Variants in KMT2B observed in about 807,000 individuals in gnomAD.
The protein encoded by KMT2B is histone-lysine N-methyltransferase 2B.
Under a neutral mutation model 255.3 loss-of-function variants are expected in KMT2B, and 22 were observed. That is an observed-to-expected ratio of 0.09 (90% CI 0.06 to 0.12). The LOEUF is 0.12. KMT2B is among the 10% of genes least tolerant of loss of function. The pLI is 1.00. For synonymous variants in KMT2B, 1,730 were observed against 1,498.1 expected, an observed-to-expected ratio of 1.15 and a Z score of -3.57; for missense variants, 3,149 against 3,737.0, an observed-to-expected ratio of 0.84 and a Z score of 4.10.
chr19:35,720,449 A>C lies in KMT2B; in HGVS notation c.1102A>C (p.Lys368Gln), dbSNP rs561753040. The C allele has an allele frequency of 1.3e-6, 2 of 1,551,810 alleles. No individual in the cohort carries two copies. Among genetic ancestry groups the C allele is most frequent in the Admixed American group, 3.9e-5 (2 of 51,000 alleles). Residue 368 changes from lysine (K) to glutamine (Q), a missense_variant, in exon 3 of 37, where the codon AAG becomes CAG. This residue lies in a region of KMT2B where 1,188 missense variants were observed against 1,106.4 expected (regional missense o/e 1.07). Transcript: ENST00000420124. The part of the protein sequence containing the change: ...EQKLDDEEEE[K>Q]KEEEEKDKEG... Reference sequence around the variant, plus strand: ...GAAGCTGGATGACGAGGAAGAAGAGAAGAAAGAAGAAGAAGAAAAAGACAA... The same window carrying C: ...GAAGCTGGATGACGAGGAAGAAGAGCAGAAAGAAGAAGAAGAAAAAGACAA...
intron 26 of KMT2B, 41 bp downstream of exon 26, chr19:35,730,908 C>A: frequency 6.6e-7 from 1 of 1,525,002 alleles, no homozygotes; most frequent in Non-Finnish European, 8.8e-7. Context: ...TACCGCTCTC[C>A]CTAAACAAAC....
rs1401739282 is a variant in KMT2B, at chr19:35,732,722, T to C, written c.6173T>C (p.Ile2058Thr). ...APSATPGAPR[I>T]EQLDGVDDGT... is the part of the protein sequence containing the mutation. ...AGCGCTACCCCTGGAGCCCCCCGCA[T>C]TGAACAGCTGGACGGCGTGGACGAC... is the stretch of plus-strand genomic sequence containing the variant. The change falls in exon 28 of 37, where the codon ATT becomes ACT. Residue 2058 changes from isoleucine to threonine, a missense_variant. Physicochemically the swap from Ile to Thr is moderately conservative, Grantham distance 89. Around this residue, in one of 18 missense-constraint regions of KMT2B, gnomAD observed 897 missense variants for 825.3 expected, o/e 1.09. Coordinates refer to ENST00000420124, the MANE Select transcript of KMT2B (RefSeq NM_014727.3). The C allele has an allele frequency of 1.2e-6, 2 of 1,610,300 alleles. No homozygotes were observed. Among genetic ancestry groups the C allele is most frequent in the Non-Finnish European group, 1.7e-6 (2 of 1,178,730 alleles).
rs1452431678 is a variant in KMT2B at position 35,738,445 on chromosome 19, G to A, written c.8036G>A (p.Arg2679His). ...CACATTGTTATCTTCGCCCTGCGCC[G>A]CATCCTGCGTGGTGAGGAGCTCACC... ...QKHIVIFALR[R>H]ILRGEELTYD... Residue 2679 changes from arginine to histidine, a missense_variant, in exon 37 of 37, where the codon CGC becomes CAC. Coordinates refer to ENST00000420124, the MANE Select transcript of KMT2B (RefSeq NM_014727.3). The surrounding 1 kb of genome is among the most constrained non-coding windows in gnomAD (Gnocchi z 8.7). 1.2e-6 allele frequency: 2 copies of A among 1,613,838 alleles called. No individual in the cohort carries two copies. The highest frequency in any genetic ancestry group is 2.2e-5 in the East Asian group (1 of 44,898).
chr19:35,736,540 A>C, intron 30 of KMT2B, 150 bp from the exon 31 acceptor site: 1 of 868,894 alleles, frequency 1.2e-6, no homozygotes, highest in Non-Finnish European at 1.8e-6. Context: ...CTCACTGGGT[A>C]ACTGGAGCAG....
At chr19:35,724,608 G>A (rs1172465197) in intron 8 of KMT2B, 29 bp from the exon 9 acceptor site, 2 of 1,551,948 alleles carry the variant, frequency 1.3e-6, no homozygotes, top group East Asian at 4.8e-5. Context: ...GAAGGGGAGT[G>A]ACCTCACTGC....
In KMT2B at chr19:35,720,885, T is replaced by C; in HGVS notation, c.1538T>C (p.Val513Ala). The stretch of plus-strand genomic sequence containing the variant: ...GGCCCTCCGGAAGACAGTCCCACCG[T>C]GGCCCCCAAAAGCACCACCTTCCTG... ...TGGPPEDSPT[V>A]APKSTTFLKN... The change falls in exon 3 of 37, where the codon GTG becomes GCG. Residue 513 changes from valine to alanine, a missense_variant. Around this residue, in one of 18 missense-constraint regions of KMT2B, gnomAD observed 1,188 missense variants for 1,106.4 expected, o/e 1.07. Transcript: ENST00000420124. 1 of 1,600,036 alleles carries C rather than the reference T, an allele frequency of 6.2e-7. No homozygotes were observed. The highest frequency in any genetic ancestry group is 8.5e-7 in the Non-Finnish European group (1 of 1,174,134).
chr19:35,728,624 A>G lies in KMT2B; in HGVS notation c.4572-150A>G, dbSNP rs8106959. On this transcript the variant is annotated intron_variant, in intron 19 of 36. Transcript: ENST00000420124. ...GCATTTCGTATGTCCAAGCTGGCAC[A>G]AGAGGGCCTGGCTTATTTGGTGGAC... 115,429 of 659,674 alleles carry G rather than the reference A, an allele frequency of 0.17. 11,136 individuals carry two copies. Among genetic ancestry groups the G allele is most frequent in the Middle Eastern group, 0.27 (810 of 3,028 alleles). The allele number at this position is 659,674 out of a possible 1,614,324, so 40.9% of individuals were successfully genotyped here.
rs949745356 is a variant in KMT2B, at chr19:35,732,289, C to T, written c.5740C>T (p.Arg1914Cys). 1.5e-5 allele frequency: 24 copies of T among 1,610,770 alleles called. No homozygotes were observed. Among genetic ancestry groups the T allele is most frequent in the African/African-American group, 4.0e-5 (3 of 74,766 alleles). ...PDFPAPPRRS[R>C]RPSPLAPRPP... is the part of the protein sequence containing the mutation. ...CTTCCCAGCTCCCCCCAGACGTTCCCGTCGTCCCAGCCCTTTGGCTCCCAG... is the reference window on the plus strand; with the variant it reads ...CTTCCCAGCTCCCCCCAGACGTTCCTGTCGTCCCAGCCCTTTGGCTCCCAG... The change falls in exon 28 of 37, where the codon CGT becomes TGT. Residue 1914 changes from arginine (R) to cysteine (C), a missense_variant. Transcript: ENST00000420124.
At position 35,723,510 on chromosome 19, in the gene KMT2B, G is replaced by A; in HGVS notation, c.3058+8G>A. 2 of 1,561,046 alleles carry A rather than the reference G, an allele frequency of 1.3e-6. No individual in the cohort carries two copies. The highest frequency in any genetic ancestry group is 8.7e-7 in the Non-Finnish European group (1 of 1,153,314). Reference sequence around the variant, plus strand: ...AACGACTGGCTAAAAAAGGTGACGAGCTTTAAGGAGCATTTCTTCTCAAAA... The same window carrying A: ...AACGACTGGCTAAAAAAGGTGACGAACTTTAAGGAGCATTTCTTCTCAAAA... On this transcript the variant is annotated splice_region_variant and intron_variant, in intron 7 of 36. Coordinates refer to ENST00000420124, the MANE Select transcript of KMT2B (RefSeq NM_014727.3). The surrounding 1 kb of genome is among the most constrained non-coding windows in gnomAD (Gnocchi z 7.5).
At position 35,737,438 on chromosome 19, in the gene KMT2B, T is replaced by TG. The variant is rs1418594055; in HGVS notation, c.7550+175_7550+176insG. ...GGCTCATGCCTGTAATCCCGCCACT[T>TG]TGGGAGGCCGAGGCAGGAGGATCGC... is the stretch of plus-strand genomic sequence containing the variant. On this transcript the variant is annotated intron_variant, in intron 33 of 36. Transcript: ENST00000420124. The surrounding 1 kb of genome is among the most constrained non-coding windows in gnomAD (Gnocchi z 5.3). 13 of 839,528 alleles carry TG rather than the reference T, an allele frequency of 1.5e-5. No individual in the cohort carries two copies. Among genetic ancestry groups the TG allele is most frequent in the Admixed American group, 3.0e-5 (1 of 33,188 alleles). The allele number at this position is 839,528 out of a possible 1,614,324, so 52.0% of individuals were successfully genotyped here.
rs548255667 is a variant in KMT2B, at chr19:35,732,577, G to A, written c.6028G>A (p.Ala2010Thr). ...TEPFQEEIVA[A>T]GAMGSSHGGP... ...GCCCTTCCAGGAAGAGATTGTAGCC[G>A]CTGGGGCCATGGGGAGCAGCCACGG... is the stretch of plus-strand genomic sequence containing the variant. Residue 2010 changes from alanine to threonine, a missense_variant, in exon 28 of 37, where the codon GCT (alanine) becomes ACT (threonine). Transcript: ENST00000420124. 3.3e-5 allele frequency: 53 copies of A among 1,613,518 alleles called. No homozygotes were observed. In the East Asian group the frequency reaches 8.7e-4, roughly 26 times the overall value.
chr19:35,720,203 A>AGCCGTGGAG lies in KMT2B; in HGVS notation c.868_876dup (p.Gly292_Gly294dup). Reference sequence around the variant, plus strand: ...GACCCCCAGGCGTGGAGGACAGTCAAGCCGTGGAGGCCGTGGAGGCAGGGG... The same window carrying AGCCGTGGAG: ...GACCCCCAGGCGTGGAGGACAGTCAAGCCGTGGAGGCCGTGGAGGCCGTGGAGGCAGGGG... On this transcript the variant is annotated inframe_insertion, in exon 3 of 37. Transcript: ENST00000420124. 6.8e-6 allele frequency: 11 copies of AGCCGTGGAG among 1,609,290 alleles called. No individual in the cohort carries two copies. The highest frequency in any genetic ancestry group is 1.1e-5 in the South Asian group (1 of 90,324).
In KMT2B at chr19:35,733,100, C is replaced by G. The variant is rs752992427; in HGVS notation, c.6551C>G (p.Pro2184Arg). 3.2e-6 allele frequency: 5 copies of G among 1,566,886 alleles called. No individual in the cohort carries two copies. The highest frequency in any genetic ancestry group is 4.3e-6 in the Non-Finnish European group (5 of 1,155,722). The part of the protein sequence containing the change: ...VLSLGPAPEP[P>R]KPATSKIILV... ...AGCCTTGGCCCTGCCCCTGAGCCCCCCAAACCCGCCACATCCAAAATCATA... is the reference window on the plus strand; with the variant it reads ...AGCCTTGGCCCTGCCCCTGAGCCCCGCAAACCCGCCACATCCAAAATCATA... Residue 2184 changes from proline to arginine, a missense_variant, in exon 28 of 37, where the codon CCC becomes CGC. This residue lies in a region of KMT2B where 897 missense variants were observed against 825.3 expected (regional missense o/e 1.09). Coordinates refer to ENST00000420124, the MANE Select transcript of KMT2B (RefSeq NM_014727.3). The surrounding 1 kb of genome is among the most constrained non-coding windows in gnomAD (Gnocchi z 4.3).
rs1169993840 is a variant in KMT2B, at chr19:35,727,312, G to A, written c.4117+43G>A. ...CTGGGCTGCAGCCTCAACCCTGTGG[G>A]GACCCCTGCCCCCACCACAGGCCCC... On this transcript the variant is annotated intron_variant, in intron 15 of 36. Coordinates refer to ENST00000420124, the MANE Select transcript of KMT2B (RefSeq NM_014727.3). The surrounding 1 kb of genome is among the most constrained non-coding windows in gnomAD (Gnocchi z 4.2). 1 of 1,584,386 alleles carries A rather than the reference G, an allele frequency of 6.3e-7. No homozygotes were observed. Among genetic ancestry groups the A allele is most frequent in the Non-Finnish European group, 8.7e-7 (1 of 1,153,988 alleles).
chr19:35,733,311 C>T lies in KMT2B; in HGVS notation c.6762C>T (p.Pro2254=). 1 of 1,442,444 alleles carries T rather than the reference C, an allele frequency of 6.9e-7. No homozygotes were observed. Among genetic ancestry groups the T allele is most frequent in the Non-Finnish European group, 9.5e-7 (1 of 1,053,394 alleles). 89.4% of individuals were successfully genotyped at this position (1,442,444 alleles called of 1,614,324 possible). A position where few individuals can be genotyped will look rare whatever the true frequency, so the allele number is the denominator to read the frequency against. Residue 2254 remains proline (P), a synonymous_variant, in exon 28 of 37, where the codon CCC becomes CCT. Coordinates refer to ENST00000420124, the MANE Select transcript of KMT2B (RefSeq NM_014727.3). The surrounding 1 kb of genome is among the most constrained non-coding windows in gnomAD (Gnocchi z 4.3). ...PVVGVVRPAP[P]PPPPPLTLVL... ...TCGGAGTGGTCCGCCCTGCCCCGCC[C>T]CCGCCACCCCCTCCCCTGACGCTGG...
chr19:35,720,628 A>G lies in KMT2B; in HGVS notation c.1281A>G (p.Pro427=). Residue 427 remains proline, a synonymous_variant, in exon 3 of 37, where the codon CCA becomes CCG. Transcript: ENST00000420124. ...CCCCTTCGACATCTCCTCCACCCCC[A>G]CTCTGCCCTCCACCACCACCCCCAG... ...LPPPSTSPPP[P]LCPPPPPPVS... is the part of the protein sequence containing the mutation. The G allele has an allele frequency of 1.3e-6, 1 of 797,320 alleles. No homozygotes were observed. Among genetic ancestry groups the G allele is most frequent in the Non-Finnish European group, 1.6e-6 (1 of 614,328 alleles). 49.4% of individuals were successfully genotyped at this position (797,320 alleles called of 1,614,324 possible).
rs758484140 is a variant in KMT2B at position 35,728,754 on chromosome 19, C to G, written c.4572-20C>G. ...CTGCCCTTGTTGGGCACATCAGCTG[C>G]TAACCCTGCCTGTCCACAGCGGAGT... On this transcript the variant is annotated intron_variant, in intron 19 of 36. Coordinates refer to ENST00000420124, the MANE Select transcript of KMT2B (RefSeq NM_014727.3). 7 of 1,604,410 alleles carry G rather than the reference C, an allele frequency of 4.4e-6. No individual in the cohort carries two copies. The highest frequency in any genetic ancestry group is 6.0e-6 in the Non-Finnish European group (7 of 1,171,550).
rs546420065 is a variant in KMT2B, at chr19:35,718,476, G to C, written c.363+95G>C. The C allele has an allele frequency of 2.5e-6, 3 of 1,180,270 alleles. No individual in the cohort carries two copies. The Admixed American group carries it at 1.4e-4, about 53-fold the overall frequency. The allele number at this position is 1,180,270 out of a possible 1,614,324, so 73.1% of individuals were successfully genotyped here. A position where few individuals can be genotyped will look rare whatever the true frequency, so the allele number is the denominator to read the frequency against. Reference sequence around the variant, plus strand: ...CCCGGGGGCGGCGTGGGCAGGCCGGGTCCTCAGGGTTCCTTCGGAGAGACG... The same window carrying C: ...CCCGGGGGCGGCGTGGGCAGGCCGGCTCCTCAGGGTTCCTTCGGAGAGACG... On this transcript the variant is annotated intron_variant, in intron 1 of 36. Transcript: ENST00000420124. The surrounding 1 kb of genome is among the most constrained non-coding windows in gnomAD (Gnocchi z 5.0).
chr19:35,719,648 T>G (rs1969101183), intron 2 of KMT2B, 107 bp downstream of exon 2: 1 of 1,512,454 alleles, frequency 6.6e-7, no homozygotes, highest in Admixed American at 1.8e-5. Context: ...CCGAATGTGT[T>G]CTGTGTTCAG....
Sources: allele counts gnomAD v4.1 joint callset, GRCh38; gene constraint gnomAD v4.1.1; regional missense constraint gnomAD v4.1.1; non-coding constraint Gnocchi (gnomAD v3.1); transcripts MANE v1.5; gene names NCBI Gene and HGNC (gene_info 2026-07-23, HGNC 2026-07-21).